The following FAM117B variants were observed in gnomAD, a reference collection of about 807,000 sequenced individuals.
FAM117B encodes the protein protein FAM117B.
A neutral mutation model predicts 52.8 loss-of-function variants in FAM117B; 22 were observed. The ratio of observed to expected loss-of-function variants is 0.42; its 90% confidence interval spans 0.30 to 0.59. The LOEUF is 0.59. Among genes scored for constraint, FAM117B ranks in the 20% least tolerant of loss-of-function variants. The probability of loss-of-function intolerance (pLI) is 0.22; values close to 1 mark genes in which losing one functional copy is unlikely to be tolerated. For missense variants in FAM117B, 678 were observed against 802.6 expected, an observed-to-expected ratio of 0.84 and a Z score of 1.88; for synonymous variants, 309 against 324.1, an observed-to-expected ratio of 0.95 and a Z score of 0.50.
intron 1 of FAM117B, among the ~76,000 whole-genome samples, chr2:202,640,501 T>C (rs921799510): frequency 3.3e-5 from 5 of 151,408 alleles, no homozygotes; most frequent in Admixed American, 3.3e-4. Context: ...AACCAGAACT[T>C]ATATTTGTGT....
rs35617810 is a variant in FAM117B at position 202,642,099 on chromosome 2, G to A, written c.601+6311G>A. ...CTGGACTACAGCCGTGTGCCACCAT[G>A]CCCGGCTGATTTTTGTACTTTTTTT... On this transcript the variant is annotated intron_variant, in intron 1 of 7. Coordinates refer to ENST00000392238, the MANE Select transcript of FAM117B (RefSeq NM_173511.4). Among the ~76,000 whole-genome samples the A allele has an allele frequency of 3.7e-3, 555 of 148,102 alleles. 5 individuals carry two copies. Among genetic ancestry groups the A allele is most frequent in the South Asian group, 6.2e-3 (29 of 4,690 alleles).
intron 4 of FAM117B, among the ~76,000 whole-genome samples, chr2:202,736,977 A>G (rs1691448487): frequency 6.6e-6 from 1 of 152,200 alleles, no homozygotes; most frequent in Admixed American, 6.5e-5. Flanking sequence ...AGTGTACCAC[A>G]GATGAGCCAA....
chr2:202,715,758 C>T (rs986524268), intron 2 of FAM117B, among the ~76,000 whole-genome samples: 7 of 152,194 alleles, frequency 4.6e-5, no homozygotes, highest in South Asian at 2.1e-4. Flanking sequence ...TGTAGCAAGC[C>T]GAGATCAGGC....
At chr2:202,671,216 A>C (rs148639372) in intron 1 of FAM117B, among the ~76,000 whole-genome samples, 1 of 152,256 alleles carries the variant, frequency 6.6e-6, no homozygotes, top group East Asian at 1.9e-4. Flanking sequence ...GAAGACCCTG[A>C]GACAAGGATT....
At chr2:202,699,449 G>GAAAAAAAAAAAAAAAAAAAAAAAAAAATA (rs59522030) in intron 2 of FAM117B, among the ~76,000 whole-genome samples, 1 of 100,032 alleles carries the variant, frequency 1.0e-5, no homozygotes, top group African/African-American at 3.9e-5. Flanking sequence ...AAAAAAAAAA[G>GAAAAAAAAAAAAAAAAAAAAAAAAAAATA]AAAAAAAAAA....
intron 1 of FAM117B, among the ~76,000 whole-genome samples, chr2:202,659,976 T>A (rs181738144): frequency 6.4e-4 from 97 of 152,140 alleles, no homozygotes; most frequent in Non-Finnish European, 1.3e-3. Context: ...ACTGGATAAT[T>A]TCTGTTGATC....
intron 4 of FAM117B, among the ~76,000 whole-genome samples, chr2:202,732,957 T>C (rs1691380428): frequency 6.6e-6 from 1 of 150,954 alleles, no homozygotes; most frequent in South Asian, 2.1e-4. Flanking sequence ...CCCATAGAGA[T>C]AGAGAATAGA....
At chr2:202,691,666 T>TGC in intron 1 of FAM117B, among the ~76,000 whole-genome samples, 1 of 147,722 alleles carries the variant, frequency 6.8e-6, no homozygotes. Context: ...TGTGTGTGTG[T>TGC]GTGTGTGTGT....
chr2:202,644,884 T>C (rs1042825531), intron 1 of FAM117B, among the ~76,000 whole-genome samples: 1 of 152,208 alleles, frequency 6.6e-6, no homozygotes, highest in East Asian at 1.9e-4. Flanking sequence ...GATTGCCTTG[T>C]TGTGAGGTGT....
intron 2 of FAM117B, among the ~76,000 whole-genome samples, chr2:202,698,256 G>A (rs938300763): frequency 6.1e-4 from 93 of 152,162 alleles, no homozygotes; most frequent in African/African-American, 2.1e-3. Flanking sequence ...GGTATTCTTA[G>A]TGGGCTCAGT....
intron 4 of FAM117B, among the ~76,000 whole-genome samples, chr2:202,731,470 G>A (rs978857413): frequency 5.4e-5 from 8 of 148,940 alleles, no homozygotes; most frequent in East Asian, 2.0e-4. Context: ...TCTCACTGTC[G>A]CCTGGACTGG....
intron 4 of FAM117B, among the ~76,000 whole-genome samples, chr2:202,735,782 A>G (rs1329227422): frequency 4.6e-5 from 7 of 152,060 alleles, no homozygotes; most frequent in Admixed American, 4.6e-4. Context: ...TTTTTACAGT[A>G]GTTATGTTTT....
At chr2:202,750,327 A>G (rs1372356673) in intron 4 of FAM117B, among the ~76,000 whole-genome samples, 2 of 152,198 alleles carry the variant, frequency 1.3e-5, no homozygotes, top group East Asian at 3.8e-4. Flanking sequence ...CCTGGGCAAC[A>G]TGGTAAAACC....
chr2:202,755,558 A>C lies in FAM117B; in HGVS notation c.981A>C (p.Ala327=), dbSNP rs1266744700. Residue 327 remains alanine (A), a synonymous_variant, in exon 5 of 8, where the codon GCA becomes GCC. Coordinates refer to ENST00000392238, the MANE Select transcript of FAM117B (RefSeq NM_173511.4). ...TTAAGGCTCCTGTTCCAAAGAGTGC[A>C]CTTATTCCTGTAATTCCCATCACCA... ...NQCQAPVPKS[A]LIPVIPITKS... is the part of the protein sequence containing the mutation. The C allele has an allele frequency of 6.2e-7, 1 of 1,613,984 alleles. No individual in the cohort carries two copies. The highest frequency in any genetic ancestry group is 8.5e-7 in the Non-Finnish European group (1 of 1,179,996).
intron 2 of FAM117B, among the ~76,000 whole-genome samples, chr2:202,708,514 G>A (rs144334284): frequency 7.9e-5 from 12 of 152,174 alleles, no homozygotes; most frequent in Non-Finnish European, 1.6e-4. Context: ...TGTGAATAGC[G>A]CCGCAGTGAA....
At chr2:202,752,122 AATT>A (rs750621776) in intron 4 of FAM117B, among the ~76,000 whole-genome samples, 1 of 152,214 alleles carries the variant, frequency 6.6e-6, no homozygotes, top group Non-Finnish European at 1.5e-5. Flanking sequence ...GTGAAAAGAT[AATT>A]ATTTTAAGAA....
chr2:202,753,511 A>G (rs1691755751), intron 4 of FAM117B, among the ~76,000 whole-genome samples: 1 of 152,214 alleles, frequency 6.6e-6, no homozygotes, highest in African/African-American at 2.4e-5. Flanking sequence ...AAAATTGACA[A>G]ATGGGATCTA....
intron 2 of FAM117B, among the ~76,000 whole-genome samples, chr2:202,715,687 G>A (rs1289363523): frequency 2.0e-5 from 3 of 152,206 alleles, no homozygotes; most frequent in East Asian, 1.9e-4. Context: ...CATGGCGGCC[G>A]GGCAGAGGCT....
intron 4 of FAM117B, among the ~76,000 whole-genome samples, chr2:202,733,573 G>T (rs1400993701): frequency 4.6e-5 from 7 of 152,142 alleles, no homozygotes; most frequent in Admixed American, 4.6e-4. Context: ...GCTGGGAAAA[G>T]AATTCAGTGA....
Sources: gnomAD v4.1 joint callset for allele counts (sites outside exome capture counted in the v4.1 genomes callset) on GRCh38, gnomAD v4.1.1 for gene constraint, MANE v1.5 for transcripts, NCBI Gene and HGNC (gene_info 2026-07-23, HGNC 2026-07-21) for gene names.